Variants in FAM20A observed in about 807,000 individuals in gnomAD.
FAM20A encodes the protein FAM20A golgi associated secretory pathway pseudokinase.
In FAM20A, 42 loss-of-function variants were observed where a neutral mutation model predicts 52.0. That is an observed-to-expected ratio of 0.81 (90% confidence interval 0.63 to 1.04). The LOEUF is 1.04. Ranked by LOEUF, FAM20A falls within the 50% of genes least tolerant of loss-of-function variation. The pLI is 0.00. For missense variants in FAM20A, 742 were observed against 712.7 expected (o/e 1.04, Z -0.47); for synonymous variants, 304 against 298.9 (o/e 1.02, Z -0.18).
Position 68,600,367 on chromosome 17 carries a change from C to T in FAM20A, c.300G>A (p.Leu100=), listed in dbSNP as rs1302950712. The change falls in exon 1 of 11, where the codon CTG becomes CTA. Residue 100 remains leucine (L), a synonymous_variant. Transcript: ENST00000592554. The surrounding 1 kb of genome is among the most constrained non-coding windows in gnomAD (Gnocchi z 6.2). Reference sequence around the variant, plus strand: ...GAGGCGGCTCCTCCGGGACGTTGTACAGCGGGTGGGCGAAGAGGGCCTGCA... The same window carrying T: ...GAGGCGGCTCCTCCGGGACGTTGTATAGCGGGTGGGCGAAGAGGGCCTGCA... ...SKLQALFAHP[L]YNVPEEPPLL... is the part of the protein sequence containing the mutation. 15 of 1,604,278 alleles carry T rather than the reference C, an allele frequency of 9.4e-6. No individual in the cohort carries two copies. Among genetic ancestry groups the T allele is most frequent in the Non-Finnish European group, 1.3e-5 (15 of 1,176,478 alleles).
chr17:68,583,040 T>C (rs2088058119), intron 1 of FAM20A, among the ~76,000 whole-genome samples: 1 of 151,618 alleles, frequency 6.6e-6, no homozygotes. Context: ...ACTCCTGACC[T>C]CGTGATCCGC....
chr17:68,575,372 C>T (rs1328436083), intron 1 of FAM20A, among the ~76,000 whole-genome samples: 1 of 131,860 alleles, frequency 7.6e-6, no homozygotes. Context: ...CACAGGTTCA[C>T]TTTACTTTAC....
At chr17:68,544,735 G>C (rs1050413246) in intron 4 of FAM20A, among the ~76,000 whole-genome samples, 1 of 152,158 alleles carries the variant, frequency 6.6e-6, no homozygotes, top group Non-Finnish European at 1.5e-5. Context: ...GCTCAGGCCT[G>C]GCCAGCTTAT....
At chr17:68,575,665 AT>A in intron 1 of FAM20A, among the ~76,000 whole-genome samples, 1 of 119,432 alleles carries the variant, frequency 8.4e-6, no homozygotes, top group Admixed American at 1.1e-4. Flanking sequence ...TATATTTTAT[AT>A]TTATATATTA....
At chr17:68,542,443 C>T (rs1052454669) in intron 6 of FAM20A, among the ~76,000 whole-genome samples, 4 of 152,148 alleles carry the variant, frequency 2.6e-5, no homozygotes, top group African/African-American at 9.7e-5. Flanking sequence ...ACCTCTGGTT[C>T]CGGGGAGGCC....
intron 1 of FAM20A, among the ~76,000 whole-genome samples, chr17:68,588,639 T>C (rs2088223026): frequency 6.6e-6 from 1 of 152,236 alleles, no homozygotes; most frequent in African/African-American, 2.4e-5. Context: ...CATGGTCTTC[T>C]ATGTGCATGA....
intron 3 of FAM20A, among the ~76,000 whole-genome samples, chr17:68,553,581 T>G (rs2086937903): frequency 6.6e-6 from 1 of 152,118 alleles, no homozygotes; most frequent in Non-Finnish European, 1.5e-5. Context: ...CTCTCAGTCC[T>G]AGCTTTTTGA....
In FAM20A at chr17:68,540,962, AG is replaced by A; in HGVS notation, c.1110-5del. 6.3e-7 allele frequency: 1 copy of A among 1,578,364 alleles called. No homozygotes were observed. Among genetic ancestry groups the A allele is most frequent in the Non-Finnish European group, 8.6e-7 (1 of 1,160,364 alleles). On this transcript the variant is annotated splice_region_variant and splice_polypyrimidine_tract_variant and intron_variant, in intron 7 of 10. Transcript: ENST00000592554. ...GTAAAGGGGATTGACCTCCCACCTG[AG>A]GGGGAGAAGAAGTCCTGGGGCTGGA...
intron 4 of FAM20A, 90 bp from the exon 5 acceptor site, chr17:68,543,811 A>G: frequency 8.6e-7 from 1 of 1,158,690 alleles, no homozygotes; most frequent in Non-Finnish European, 1.3e-6. Flanking sequence ...CGAGAAAGGA[A>G]AACGGGCTTT....
chr17:68,583,936 T>C (rs1229141480), intron 1 of FAM20A, among the ~76,000 whole-genome samples: 3 of 151,114 alleles, frequency 2.0e-5, no homozygotes, highest in African/African-American at 7.3e-5. Flanking sequence ...TGAATATCAT[T>C]TGGGGAGCCA....
At position 68,600,744 on chromosome 17, in the gene FAM20A, G is replaced by A; in HGVS notation, c.-78C>T. 1 of 1,461,748 alleles carries A rather than the reference G, an allele frequency of 6.8e-7. No individual in the cohort carries two copies. The highest frequency in any genetic ancestry group is 2.2e-5 in the Admixed American group (1 of 45,998). 90.5% of individuals were successfully genotyped at this position (1,461,748 alleles called of 1,614,324 possible). A position where few individuals can be genotyped will look rare whatever the true frequency, so the allele number is the denominator to read the frequency against. ...CGGGAGGGGTCGCGGGGTGCGGGCA[G>A]AAGAGGTGCCTGGAGTCCCGCGGGT... On this transcript the variant is annotated 5_prime_UTR_variant, in exon 1 of 11. Coordinates refer to ENST00000592554, the MANE Select transcript of FAM20A (RefSeq NM_017565.4). The surrounding 1 kb of genome is among the most constrained non-coding windows in gnomAD (Gnocchi z 6.2).
chr17:68,559,729 C>T (rs2087156556), intron 1 of FAM20A, among the ~76,000 whole-genome samples: 1 of 152,204 alleles, frequency 6.6e-6, no homozygotes, highest in African/African-American at 2.4e-5. Context: ...AACCCGCTTC[C>T]CATCTCCAGA....
At chr17:68,597,117 G>C (rs952416959) in intron 1 of FAM20A, among the ~76,000 whole-genome samples, 12 of 151,998 alleles carry the variant, frequency 7.9e-5, no homozygotes, top group African/African-American at 1.5e-4. Context: ...GTGGGGAGGT[G>C]GGGAGACACA....
In FAM20A at chr17:68,600,204, G is replaced by C. The variant is rs2088574559; in HGVS notation, c.404+59C>G. ...GGGGCGTCAGGAAACTCGAGACTGG[G>C]GCGCGGGGAGGCCCCGGCCAGAGCG... On this transcript the variant is annotated intron_variant, in intron 1 of 10. Transcript: ENST00000592554. The surrounding 1 kb of genome is among the most constrained non-coding windows in gnomAD (Gnocchi z 6.2). 1 of 1,533,932 alleles carries C rather than the reference G, an allele frequency of 6.5e-7. No individual in the cohort carries two copies. The highest frequency in any genetic ancestry group is 8.8e-7 in the Non-Finnish European group (1 of 1,139,884).
intron 1 of FAM20A, among the ~76,000 whole-genome samples, chr17:68,562,982 G>T (rs113187751): frequency 0.016 from 2,446 of 152,280 alleles, 61 homozygotes; most frequent in African/African-American, 0.055. Context: ...GTTGCTCAAA[G>T]GCATCGTTTG....
In FAM20A at chr17:68,543,730, A is replaced by T; in HGVS notation, c.720-9T>A. On this transcript the variant is annotated splice_polypyrimidine_tract_variant and intron_variant, in intron 4 of 10. Transcript: ENST00000592554. ...CCTCATCTCGCTGCTGTCTGGAAGG[A>T]AGGAAGGAATCACGCCCTGGACTCA... is the stretch of plus-strand genomic sequence containing the variant. The T allele has an allele frequency of 6.2e-7, 1 of 1,612,698 alleles. No homozygotes were observed. Among genetic ancestry groups the T allele is most frequent in the Non-Finnish European group, 8.5e-7 (1 of 1,178,750 alleles).
intron 1 of FAM20A, among the ~76,000 whole-genome samples, chr17:68,599,364 G>A (rs1193918009): frequency 6.6e-6 from 1 of 152,178 alleles, no homozygotes; most frequent in Non-Finnish European, 1.5e-5. Flanking sequence ...TAACTCATAC[G>A]AAGGCTTCCT....
intron 4 of FAM20A, among the ~76,000 whole-genome samples, chr17:68,545,037 A>G (rs1045846067): frequency 6.6e-6 from 1 of 152,196 alleles, no homozygotes; most frequent in African/African-American, 2.4e-5. Context: ...CCTAATGTAT[A>G]TTTTCCAAAG....
chr17:68,552,528 C>T (rs1354321582), intron 3 of FAM20A, among the ~76,000 whole-genome samples: 1 of 152,126 alleles, frequency 6.6e-6, no homozygotes, highest in Non-Finnish European at 1.5e-5. Flanking sequence ...GCATCCTGGG[C>T]ACCTCACTTC....
Sources: allele counts gnomAD v4.1 joint callset (sites outside exome capture counted in the v4.1 genomes callset), GRCh38; gene constraint gnomAD v4.1.1; non-coding constraint Gnocchi (gnomAD v3.1); transcripts MANE v1.5; gene names NCBI Gene and HGNC (gene_info 2026-07-23, HGNC 2026-07-21).